OVCH1: variants seen among roughly 807,000 people sequenced by gnomAD.
OVCH1 encodes the protein ovochymase-1.
Under a neutral mutation model 138.4 loss-of-function variants are expected in OVCH1, and 139 were observed. The ratio of observed to expected loss-of-function variants is 1.00; its 90% CI spans 0.87 to 1.16. OVCH1 has a LOEUF of 1.16. Ranked by LOEUF, OVCH1 falls within the 50% of genes most tolerant of loss-of-function variation. The pLI is 0.00. For missense variants in OVCH1, 1,367 were observed against 1,357.9 expected (o/e 1.01, Z -0.11); for synonymous variants, 453 against 467.8 (o/e 0.97, Z 0.41).
intron 3 of OVCH1, among the ~76,000 whole-genome samples, chr12:29,421,660 T>C (rs967593856): frequency 2.6e-5 from 4 of 152,106 alleles, no homozygotes; most frequent in Non-Finnish European, 5.9e-5. Context: ...ATACAACATA[T>C]ATATAAAGAA....
intron 3 of OVCH1, among the ~76,000 whole-genome samples, chr12:29,421,901 A>G (rs923671652): frequency 4.6e-5 from 7 of 152,156 alleles, no homozygotes; most frequent in Admixed American, 1.3e-4. Flanking sequence ...TTTCTAGCAC[A>G]GTGGATTTGT....
At chr12:29,423,320 ATAAT>A (rs2135888717), downstream of OVCH1, 1 of 454,794 alleles carries the variant, frequency 2.2e-6, no homozygotes, top group East Asian at 7.0e-5. Flanking sequence ...GACATATTCG[ATAAT>A]TAAAGTACTT....
Position 29,444,257 on chromosome 12 carries a change from T to C in OVCH1, c.2905A>G (p.Arg969Gly), listed in dbSNP as rs749525466. The change falls in exon 24 of 28, where the codon AGA becomes GGA. Residue 969 changes from arginine to glycine, a missense_variant. Transcript: ENST00000318184. ...TCTCTGTTTGAACTTTGGGAAAGTC[T>C]GGTTATTTTACTGTCCTTTGGACCT... The C allele has an allele frequency of 7.4e-6, 12 of 1,612,216 alleles. No individual in the cohort carries two copies. The highest frequency in any genetic ancestry group is 1.0e-5 in the Non-Finnish European group (12 of 1,178,786).
intron 14 of OVCH1, 81 bp from the exon 15 acceptor site, chr12:29,473,184 T>A: frequency 1.1e-6 from 1 of 915,180 alleles, no homozygotes; most frequent in Non-Finnish European, 1.7e-6. Context: ...TGGTAAATCA[T>A]AAAACTACTC....
chr12:29,448,880 T>C (rs894624964), intron 22 of OVCH1, among the ~76,000 whole-genome samples: 13 of 152,146 alleles, frequency 8.5e-5, no homozygotes, highest in Admixed American at 3.3e-4. Context: ...ACCACACACA[T>C]GGACAATGAC....
chr12:29,427,091 T>G (rs146775554), downstream of OVCH1, among the ~76,000 whole-genome samples: 9 of 152,298 alleles, frequency 5.9e-5, no homozygotes, highest in African/African-American at 1.9e-4. Flanking sequence ...AAAGTCACTA[T>G]CATAGCCTGA....
intron 3 of OVCH1, among the ~76,000 whole-genome samples, chr12:29,419,354 TTGG>T (rs1209314214): frequency 6.6e-6 from 1 of 151,904 alleles, no homozygotes; most frequent in East Asian, 1.9e-4. Context: ...GTGGCACAAT[TTGG>T]GATCACTGCA....
At chr12:29,473,321 T>C (rs1434884701) in intron 14 of OVCH1, among the ~76,000 whole-genome samples, 1 of 152,162 alleles carries the variant, frequency 6.6e-6, no homozygotes, top group African/African-American at 2.4e-5. Flanking sequence ...CTTCCTTGGT[T>C]TCTTGATATT....
At position 29,497,660 on chromosome 12, in the gene OVCH1, C is replaced by G. The variant is rs751532261; in HGVS notation, c.27G>C (p.Leu9Phe). 2.5e-6 allele frequency: 4 copies of G among 1,614,024 alleles called. No individual in the cohort carries two copies. In the South Asian group the frequency reaches 4.4e-5, roughly 18 times the overall value. Residue 9 changes from leucine (L) to phenylalanine (F), a missense_variant, in exon 1 of 28, where the codon TTG becomes TTC. Transcript: ENST00000318184. Reference sequence around the variant, plus strand: ...GGTGGCCGATGACCAGCAACAGCAACAAACCAGCACTGGCCAGCAGGCCCA... The same window carrying G: ...GGTGGCCGATGACCAGCAACAGCAAGAAACCAGCACTGGCCAGCAGGCCCA...
chr12:29,465,020 A>C, intron 17 of OVCH1, 127 bp downstream of exon 17: 3 of 818,876 alleles, frequency 3.7e-6, no homozygotes, highest in Non-Finnish European at 5.6e-6. Flanking sequence ...AAATGTGGGT[A>C]TAAATAATAA....
intron 3 of OVCH1, among the ~76,000 whole-genome samples, chr12:29,420,223 A>G (rs1450878485): frequency 6.6e-6 from 1 of 152,196 alleles, no homozygotes; most frequent in Admixed American, 6.5e-5. Context: ...AAATCAAAGA[A>G]AAAATTTTCT....
At chr12:29,483,452 A>C (rs924335157) in intron 8 of OVCH1, among the ~76,000 whole-genome samples, 13 of 152,202 alleles carry the variant, frequency 8.5e-5, no homozygotes, top group African/African-American at 2.7e-4. Flanking sequence ...ACTTGAAATA[A>C]ATATTTATAT....
Position 29,454,417 on chromosome 12 carries a change from A to T in OVCH1, c.2530+424T>A, listed in dbSNP as rs893323350. On this transcript the variant is annotated intron_variant, in intron 21 of 27. Coordinates refer to ENST00000318184, the Ensembl canonical transcript of OVCH1. The stretch of plus-strand genomic sequence containing the variant: ...TCCATTGCTGTTAGTTTTGACTAAA[A>T]ATCAAAATCCTCTTTTATCAAACAG... 2.0e-5 allele frequency among the ~76,000 whole-genome samples: 3 copies of T among 152,170 alleles called. 1 individual carries two copies. The highest frequency in any genetic ancestry group is 2.0e-4 in the Admixed American group (3 of 15,256).
At chr12:29,413,372 G>A (rs1220429632) in intron 3 of OVCH1, among the ~76,000 whole-genome samples, 3 of 152,020 alleles carry the variant, frequency 2.0e-5, no homozygotes, top group Non-Finnish European at 4.4e-5. Flanking sequence ...CTTTTTCCAT[G>A]TGCCTCTAGG....
chr12:29,426,573 A>C (rs1941182382), downstream of OVCH1, among the ~76,000 whole-genome samples: 1 of 152,198 alleles, frequency 6.6e-6, no homozygotes, highest in Non-Finnish European at 1.5e-5. Context: ...CCAAACAGAT[A>C]TCTCTCTATA....
chr12:29,447,283 C>G (rs1941644199), intron 22 of OVCH1, among the ~76,000 whole-genome samples: 1 of 151,916 alleles, frequency 6.6e-6, no homozygotes, highest in African/African-American at 2.4e-5. Context: ...TAGGGAGACA[C>G]AGTCTTAAAA....
At chr12:29,409,947 T>G (rs907312078), downstream of OVCH1, among the ~76,000 whole-genome samples, 4 of 152,042 alleles carry the variant, frequency 2.6e-5, no homozygotes, top group African/African-American at 9.7e-5. Flanking sequence ...GAGTCTAAGT[T>G]TCTTTGTAGG....
At chr12:29,491,049 A>G (rs1250880191) in intron 5 of OVCH1, 48 bp downstream of exon 5, 1 of 1,454,776 alleles carries the variant, frequency 6.9e-7, no homozygotes. Context: ...CTTCCCCTGG[A>G]CATACAGAGA....
chr12:29,439,501 A>G, intron 25 of OVCH1: 4 of 1,317,042 alleles, frequency 3.0e-6, no homozygotes, highest in Non-Finnish European at 3.9e-6. Context: ...ACAAAAAACA[A>G]ACTTCTCTAC....
Sources: allele counts gnomAD v4.1 joint callset (sites outside exome capture counted in the v4.1 genomes callset), GRCh38; gene constraint gnomAD v4.1.1; transcripts MANE v1.5; gene names NCBI Gene and HGNC (gene_info 2026-07-23, HGNC 2026-07-21).